SAMD11: variants seen among roughly 807,000 people sequenced by gnomAD.
The protein encoded by SAMD11 is sterile alpha motif domain-containing protein 11.
Under a neutral mutation model 64.4 loss-of-function variants are expected in SAMD11, and 77 were observed. The ratio of observed to expected loss-of-function variants is 1.20; its 90% confidence interval spans 0.99 to 1.44. The LOEUF (loss-of-function observed/expected upper bound fraction) is 1.44, where lower values mean the gene tolerates loss of function less well. Ranked by LOEUF, SAMD11 falls within the 40% of genes most tolerant of loss-of-function variation. The pLI is 0.00. For missense variants in SAMD11, 1,402 were observed against 943.3 expected (o/e 1.49, Z -6.37); for synonymous variants, 658 against 421.9 (o/e 1.56, Z -6.86).
chr1:929,654 C>G (rs998263191), intron 2 of SAMD11, among the ~76,000 whole-genome samples: 1 of 152,240 alleles, frequency 6.6e-6, no homozygotes, highest in African/African-American at 2.4e-5. Flanking sequence ...GCACGTCCAC[C>G]AGCACCAGCC....
chr1:938,772 G>A (rs1053106712), intron 5 of SAMD11, among the ~76,000 whole-genome samples: 2 of 152,208 alleles, frequency 1.3e-5, no homozygotes, highest in Non-Finnish European at 1.5e-5. Flanking sequence ...GATGGCGGGT[G>A]GGGCAGCTGG....
At chr1:940,071 A>G (rs1227469997) in intron 7 of SAMD11, among the ~76,000 whole-genome samples, 1 of 152,180 alleles carries the variant, frequency 6.6e-6, no homozygotes, top group African/African-American at 2.4e-5. Flanking sequence ...TTTTCGGGCT[A>G]GAGGTGGGTG....
At chr1:932,223 A>G (rs889282822) in intron 4 of SAMD11, among the ~76,000 whole-genome samples, 2 of 152,190 alleles carry the variant, frequency 1.3e-5, no homozygotes, top group Admixed American at 6.5e-5. Flanking sequence ...TACAGAATAC[A>G]TTTGTCAGCG....
chr1:933,744 G>GGC (rs1553159144), intron 4 of SAMD11, among the ~76,000 whole-genome samples: 2 of 151,824 alleles, frequency 1.3e-5, no homozygotes, highest in African/African-American at 4.8e-5. Flanking sequence ...ATGTGCCTGG[G>GGC]GGGGGCTTCC....
intron 2 of SAMD11, among the ~76,000 whole-genome samples, chr1:929,303 G>A (rs1274329939): frequency 4.6e-5 from 7 of 152,238 alleles, no homozygotes; most frequent in Non-Finnish European, 7.3e-5. Context: ...AGCTCCACAC[G>A]CTCGTTCCGT....
At chr1:925,370 C>T (rs1347670380) in intron 1 of SAMD11, among the ~76,000 whole-genome samples, 1 of 148,154 alleles carries the variant, frequency 6.7e-6, no homozygotes, top group African/African-American at 2.4e-5. Context: ...GGGGCGCGCG[C>T]GGAGCCCGAG....
rs999783974 is a variant in SAMD11 at position 944,124 on chromosome 1, G to A, written c.2506G>A (p.Ala836Thr). ...ENGTLALLPG[A>T]PDPSQPLC ...TGGGACCTTGGCTCTACTTCCAGGGGCCCCCGACCCTTCCCAGCCTCTGTG... is the reference window on the plus strand; with the variant it reads ...TGGGACCTTGGCTCTACTTCCAGGGACCCCCGACCCTTCCCAGCCTCTGTG... Residue 836 changes from alanine to threonine, a missense_variant, in exon 14 of 14, where the codon GCC (alanine) becomes ACC (threonine). By Grantham distance (58) the Ala-to-Thr change is moderately conservative. Coordinates refer to ENST00000616016, the MANE Select transcript of SAMD11 (RefSeq NM_001385641.1). The A allele has an allele frequency of 1.3e-6, 2 of 1,592,768 alleles. No homozygotes were observed. Among genetic ancestry groups the A allele is most frequent in the African/African-American group, 2.7e-5 (2 of 74,356 alleles).
At chr1:930,419 G>T in intron 3 of SAMD11, 83 bp downstream of exon 3, 1 of 1,399,238 alleles carries the variant, frequency 7.1e-7, no homozygotes, top group Non-Finnish European at 9.6e-7. Context: ...AGATGAGAGT[G>T]TCCACACCGG....
intron 13 of SAMD11, 37 bp from the exon 14 acceptor site, chr1:943,871 G>T: frequency 6.2e-7 from 1 of 1,612,960 alleles, no homozygotes; most frequent in Non-Finnish European, 8.5e-7. Flanking sequence ...GCTCTGGGTG[G>T]GTGTGCGACA....
intron 12 of SAMD11, 92 bp from the exon 13 acceptor site, chr1:943,606 C>A (rs1216495607): frequency 7.5e-7 from 1 of 1,329,862 alleles, no homozygotes; most frequent in Non-Finnish European, 9.9e-7. Context: ...TAAAAAATTT[C>A]CGTGAGCTGC....
chr1:935,826 C>G lies in SAMD11; in HGVS notation c.897C>G (p.Leu299=), dbSNP rs139857993. 1 of 1,613,442 alleles carries G rather than the reference C, an allele frequency of 6.2e-7. No individual in the cohort carries two copies. Among genetic ancestry groups the G allele is most frequent in the African/African-American group, 1.3e-5 (1 of 75,048 alleles). The part of the protein sequence containing the change: ...LISSVHRSRH[L]VMPEHQSRCE... ...CCAGCGTCCACCGCAGCCGCCACCTCGTTATGCCCGAGCATCAGAGCCGCT... is the reference window on the plus strand; with the variant it reads ...CCAGCGTCCACCGCAGCCGCCACCTGGTTATGCCCGAGCATCAGAGCCGCT... Residue 299 remains leucine, a synonymous_variant, in exon 5 of 14, where the codon CTC becomes CTG. Coordinates refer to ENST00000616016, the MANE Select transcript of SAMD11 (RefSeq NM_001385641.1).
intron 1 of SAMD11, among the ~76,000 whole-genome samples, chr1:925,386 G>C (rs1221159993): frequency 7.3e-6 from 1 of 136,230 alleles, no homozygotes; most frequent in Non-Finnish European, 1.6e-5. Flanking sequence ...CCGAGCGGCG[G>C]CGCCAGGTCA....
chr1:943,523 CACCTT>C (rs1641947271), intron 12 of SAMD11, 146 bp downstream of exon 12: 18 of 872,350 alleles, frequency 2.1e-5, no homozygotes, highest in South Asian at 3.9e-5. Flanking sequence ...CTGTGCACCC[CACCTT>C]TTTTTTTTTT....
intron 5 of SAMD11, among the ~76,000 whole-genome samples, chr1:936,653 T>G (rs1027877831): frequency 2.0e-5 from 3 of 151,318 alleles, no homozygotes; most frequent in African/African-American, 7.3e-5. Context: ...GCAGGGGTGT[T>G]CCCAGCAGGG....
Position 942,832 on chromosome 1 carries a change from G to A in SAMD11, c.1827G>A (p.Glu609=), listed in dbSNP as rs758833391. 9.0e-6 allele frequency: 14 copies of A among 1,550,742 alleles called. No homozygotes were observed. In the East Asian group the frequency reaches 2.7e-4, roughly 30 times the overall value. The change falls in exon 11 of 14, where the codon GAG becomes GAA. Residue 609 remains glutamate, a synonymous_variant. Coordinates refer to ENST00000616016, the MANE Select transcript of SAMD11 (RefSeq NM_001385641.1). ...GPGPASARPS[E]SKEMTGARLW... ...GCCCTGCCTCAGCGCGGCCCAGCGA[G>A]TCCAAGGAGATGACGGGGGCTAGGC...
chr1:941,452 C>T, intron 8 of SAMD11, 146 bp downstream of exon 8: 1 of 824,142 alleles, frequency 1.2e-6, no homozygotes, highest in South Asian at 1.8e-5. Flanking sequence ...GGGGGTGACA[C>T]CGATCTGGGC....
At position 944,508 on chromosome 1, in the gene SAMD11, C is replaced by CAGCCG; in HGVS notation, c.*359_*360insGAGCC. 1 of 609,024 alleles carries CAGCCG rather than the reference C, an allele frequency of 1.6e-6. No homozygotes were observed. Among genetic ancestry groups the CAGCCG allele is most frequent in the Non-Finnish European group, 2.8e-6 (1 of 360,698 alleles). The allele number at this position is 609,024 out of a possible 1,614,324, so 37.7% of individuals were successfully genotyped here. On this transcript the variant is annotated 3_prime_UTR_variant, in exon 14 of 14. Coordinates refer to ENST00000616016, the MANE Select transcript of SAMD11 (RefSeq NM_001385641.1). ...AGCTGTGGGGCTTCAGCAGCCACAC[C>CAGCCG]AGCCCAGCCCAGCCCAGCTCTCGAT...
intron 1 of SAMD11, 173 bp from the exon 2 acceptor site, chr1:925,749 C>T (rs1368494734): frequency 4.9e-6 from 3 of 606,606 alleles, no homozygotes; most frequent in South Asian, 1.8e-5. Context: ...CAGCAGATCC[C>T]TGCGGCGTTC....
chr1:944,498 G>A lies in SAMD11; in HGVS notation c.*345G>A. The A allele has an allele frequency of 1.5e-6, 1 of 648,158 alleles. No individual in the cohort carries two copies. Among genetic ancestry groups the A allele is most frequent in the Non-Finnish European group, 2.5e-6 (1 of 396,628 alleles). The allele number at this position is 648,158 out of a possible 1,614,324, so 40.2% of individuals were successfully genotyped here. On this transcript the variant is annotated 3_prime_UTR_variant, in exon 14 of 14. Transcript: ENST00000616016. ...AGCAGCCCACAGCTGTGGGGCTTCA[G>A]CAGCCACACCAGCCCAGCCCAGCCC...
Sources: allele counts gnomAD v4.1 joint callset (sites outside exome capture counted in the v4.1 genomes callset), GRCh38; gene constraint gnomAD v4.1.1; transcripts MANE v1.5; gene names NCBI Gene and HGNC (gene_info 2026-07-23, HGNC 2026-07-21).